The following SGK1 variants were observed in gnomAD, a reference collection of about 807,000 sequenced individuals.
SGK1 encodes serine/threonine-protein kinase Sgk1.
A neutral mutation model predicts 64.2 loss-of-function variants in SGK1; 26 were observed. The observed-to-expected ratio is 0.40, with a 90% CI of 0.30 to 0.56. The LOEUF is 0.56. Ranked by LOEUF, SGK1 falls within the 20% of genes least tolerant of loss-of-function variation. SGK1 has a pLI of 0.38. For synonymous variants in SGK1, 265 were observed against 239.7 expected, an observed-to-expected ratio of 1.11 and a Z score of -0.98; for missense variants, 519 against 645.6, an observed-to-expected ratio of 0.80 and a Z score of 2.12.
intron 2 of SGK1, among the ~76,000 whole-genome samples, chr6:134,224,574 A>G (rs886264406): frequency 2.0e-5 from 3 of 152,152 alleles, no homozygotes; most frequent in African/African-American, 7.2e-5. Flanking sequence ...CATCATATGC[A>G]GCTTTATTTT....
chr6:134,267,261 C>G (rs1776868632), intron 1 of SGK1, among the ~76,000 whole-genome samples: 1 of 150,482 alleles, frequency 6.6e-6, no homozygotes, highest in African/African-American at 2.4e-5. Flanking sequence ...TAATATGTTA[C>G]AGTCTGAATA....
At chr6:134,240,083 G>C (rs1459252148) in intron 2 of SGK1, among the ~76,000 whole-genome samples, 1 of 152,110 alleles carries the variant, frequency 6.6e-6, no homozygotes, top group Non-Finnish European at 1.5e-5. Context: ...CTTGAGGCCA[G>C]GAGTTCAAGA....
chr6:134,248,473 A>C (rs1776558851), intron 2 of SGK1, among the ~76,000 whole-genome samples: 1 of 98,774 alleles, frequency 1.0e-5, no homozygotes, highest in South Asian at 3.4e-4. Context: ...TTTTTTTTAG[A>C]TGGAGAGTCC....
In SGK1 at chr6:134,170,208, G is replaced by C. The variant is rs1582677507; in HGVS notation, c.*60C>G. 1.4e-6 allele frequency: 2 copies of C among 1,457,258 alleles called. No homozygotes were observed. Among genetic ancestry groups the C allele is most frequent in the East Asian group, 2.3e-5 (1 of 43,458 alleles). The allele number at this position is 1,457,258 out of a possible 1,614,324, so 90.3% of individuals were successfully genotyped here. ...CTGTCAGCTGGCGGCTCCACCAAAA[G>C]GCTAACTAAAACATTCGGAAACACA... On this transcript the variant is annotated 3_prime_UTR_variant, in exon 14 of 14. Transcript: ENST00000367858.
Position 134,171,163 on chromosome 6 carries a change from G to A in SGK1, c.1183C>T (p.Arg395Ter), listed in dbSNP as rs780434638. Reference protein sequence around the residue: ...MLYGLPPFYSRNTAEMYDNIL... With the variant: ...MLYGLPPFYS ...TTGTCGTACATTTCAGCTGTGTTTC[G>A]GCTATAAAAAGGCGGCTGAAAGAAG... is the stretch of plus-strand genomic sequence containing the variant. The change falls in exon 12 of 14, where the codon CGA (arginine) becomes TGA (stop). Residue 395 changes from arginine (R) to a stop codon, truncating the protein, a stop_gained. Coordinates refer to ENST00000367858, the MANE Select transcript of SGK1 (RefSeq NM_001143676.3). LOFTEE classifies it high-confidence loss of function. 1.9e-6 allele frequency: 3 copies of A among 1,613,826 alleles called. No individual in the cohort carries two copies. The highest frequency in any genetic ancestry group is 1.7e-5 in the Admixed American group (1 of 59,948).
intron 1 of SGK1, among the ~76,000 whole-genome samples, chr6:134,284,263 T>C (rs1027959557): frequency 1.3e-5 from 2 of 151,638 alleles, no homozygotes; most frequent in Non-Finnish European, 1.5e-5. Flanking sequence ...TGGCAATTTT[T>C]GTATTTTTAG....
intron 13 of SGK1, 135 bp downstream of exon 13, chr6:134,170,691 T>C: frequency 1.3e-6 from 1 of 750,844 alleles, no homozygotes; most frequent in Non-Finnish European, 2.2e-6. Context: ...AATGTGCTTT[T>C]TATGTAGGTA....
At chr6:134,178,436 G>A (rs1401801050) in intron 3 of SGK1, among the ~76,000 whole-genome samples, 2 of 152,166 alleles carry the variant, frequency 1.3e-5, no homozygotes, top group African/African-American at 4.8e-5. Flanking sequence ...GGAGACGGGG[G>A]AGCTGTGTGT....
chr6:134,183,305 G>A (rs1775359991), intron 3 of SGK1, among the ~76,000 whole-genome samples: 1 of 152,038 alleles, frequency 6.6e-6, no homozygotes, highest in Non-Finnish European at 1.5e-5. Flanking sequence ...TTTGTGTTGA[G>A]AACATGCTAA....
intron 13 of SGK1, 28 bp downstream of exon 13, chr6:134,170,798 T>C (rs777378433): frequency 1.4e-6 from 2 of 1,434,686 alleles, no homozygotes; most frequent in Non-Finnish European, 2.0e-6. Context: ...TGGGCTTCTC[T>C]ATACTTAGAA....
intron 2 of SGK1, among the ~76,000 whole-genome samples, chr6:134,247,451 A>C (rs907955533): frequency 4.6e-5 from 7 of 152,208 alleles, no homozygotes; most frequent in Non-Finnish European, 1.0e-4. Context: ...ACAGAACTCA[A>C]AATGGCATTC....
At chr6:134,250,329 G>A (rs1178280173) in intron 2 of SGK1, among the ~76,000 whole-genome samples, 1 of 152,066 alleles carries the variant, frequency 6.6e-6, no homozygotes, top group Non-Finnish European at 1.5e-5. Context: ...GTTTTCTTAC[G>A]GAACAGAGCT....
At chr6:134,194,676 CAT>C (rs1775570762) in intron 3 of SGK1, among the ~76,000 whole-genome samples, 1 of 152,042 alleles carries the variant, frequency 6.6e-6, no homozygotes, top group Non-Finnish European at 1.5e-5. Flanking sequence ...CGCACACCAC[CAT>C]ACCTGGCTAA....
chr6:134,290,971 G>A (rs1399264100), intron 1 of SGK1, among the ~76,000 whole-genome samples: 1 of 152,186 alleles, frequency 6.6e-6, no homozygotes, highest in Non-Finnish European at 1.5e-5. Flanking sequence ...GATTTGAGAG[G>A]CAGGTAGGGA....
intron 1 of SGK1, among the ~76,000 whole-genome samples, chr6:134,283,602 C>T (rs566138190): frequency 2.6e-5 from 4 of 152,088 alleles, no homozygotes; most frequent in Non-Finnish European, 5.9e-5. Context: ...AATCCCAGCA[C>T]ATTGGGAGGC....
At chr6:134,303,122 A>G (rs1777483363) in intron 1 of SGK1, among the ~76,000 whole-genome samples, 1 of 152,072 alleles carries the variant, frequency 6.6e-6, no homozygotes, top group Non-Finnish European at 1.5e-5. Context: ...GGCCAGGCAC[A>G]GTGGCTCACG....
At chr6:134,186,323 A>G (rs943541176) in intron 3 of SGK1, among the ~76,000 whole-genome samples, 1 of 152,232 alleles carries the variant, frequency 6.6e-6, no homozygotes, top group African/African-American at 2.4e-5. Flanking sequence ...TTCTGCTGAT[A>G]TCCCATAACT....
At chr6:134,268,489 G>A (rs1389906771) in intron 1 of SGK1, among the ~76,000 whole-genome samples, 1 of 151,852 alleles carries the variant, frequency 6.6e-6, no homozygotes, top group African/African-American at 2.4e-5. Flanking sequence ...ACTTTGGGAG[G>A]AGGCGGGCGG....
intron 1 of SGK1, among the ~76,000 whole-genome samples, chr6:134,309,698 T>C (rs1377595927): frequency 6.6e-6 from 1 of 152,148 alleles, no homozygotes; most frequent in Non-Finnish European, 1.5e-5. Flanking sequence ...ATAGAATGGA[T>C]AAAAATCTTC....
Sources: gnomAD v4.1 joint callset for allele counts (sites outside exome capture counted in the v4.1 genomes callset) on GRCh38, gnomAD v4.1.1 for gene constraint, MANE v1.5 for transcripts, NCBI Gene and HGNC (gene_info 2026-07-23, HGNC 2026-07-21) for gene names.